The following RBMS2 variants were observed in gnomAD, a reference collection of about 807,000 sequenced individuals.
The protein encoded by RBMS2 is RNA binding motif single stranded interacting protein 2.
RBMS2 carries 38 observed loss-of-function variants against 58.4 expected under a neutral mutation model. The observed-to-expected ratio is 0.65, with a 90% CI of 0.50 to 0.85. The LOEUF (loss-of-function observed/expected upper bound fraction) is 0.85. Among genes scored for constraint, RBMS2 ranks in the 40% least tolerant of loss-of-function variants. RBMS2 has a pLI of 0.00. For missense variants in RBMS2, 367 were observed against 503.7 expected (o/e 0.73, Z 2.60); for synonymous variants, 151 against 180.7 (o/e 0.84, Z 1.32).
At chr12:56,585,877 T>C (rs1469415139) in intron 9 of RBMS2, among the ~76,000 whole-genome samples, 1 of 152,220 alleles carries the variant, frequency 6.6e-6, no homozygotes, top group Non-Finnish European at 1.5e-5. Context: ...CTTGTTATTC[T>C]ATCCTTTTAA....
chr12:56,532,519 G>A (rs1240655212), intron 1 of RBMS2, among the ~76,000 whole-genome samples: 1 of 145,900 alleles, frequency 6.9e-6, no homozygotes, highest in South Asian at 2.2e-4. Flanking sequence ...TCCAGCCTGG[G>A]CAACAAGAGC....
intron 3 of RBMS2, among the ~76,000 whole-genome samples, chr12:56,569,259 T>C (rs1330065746): frequency 6.6e-6 from 1 of 152,228 alleles, no homozygotes; most frequent in African/African-American, 2.4e-5. Context: ...CAAAACACCT[T>C]TGAGTCTACT....
intron 1 of RBMS2, among the ~76,000 whole-genome samples, chr12:56,548,509 G>A (rs1300917704): frequency 1.3e-5 from 2 of 152,136 alleles, no homozygotes; most frequent in Non-Finnish European, 2.9e-5. Flanking sequence ...GATCTCATGG[G>A]TAATTATTAT....
intron 5 of RBMS2, among the ~76,000 whole-genome samples, chr12:56,575,565 C>G (rs942982140): frequency 6.6e-6 from 1 of 151,280 alleles, no homozygotes; most frequent in Non-Finnish European, 1.5e-5. Context: ...CTACACCCCC[C>G]CTCAAAAAAA....
rs1885311923 is a variant in RBMS2 at position 56,591,635 on chromosome 12, T to C, written c.*2502T>C. On this transcript the variant is annotated 3_prime_UTR_variant, in exon 14 of 14. Coordinates refer to ENST00000262031, the MANE Select transcript of RBMS2 (RefSeq NM_002898.4). ...GAAAGAGAAAACAAATCTAGAATTC[T>C]GTTCATCTGATAGACCGGGGGAGCT... The C allele has an allele frequency of 6.6e-6, 1 of 152,158 alleles. No individual in the cohort carries two copies. The allele number at this position is 152,158 out of a possible 1,614,324, so 9.4% of individuals were successfully genotyped here. A position where few individuals can be genotyped will look rare whatever the true frequency, so the allele number is the denominator to read the frequency against.
intron 1 of RBMS2, among the ~76,000 whole-genome samples, chr12:56,530,099 G>C (rs1873428823): frequency 1.3e-5 from 2 of 152,042 alleles, no homozygotes; most frequent in Admixed American, 1.3e-4. Flanking sequence ...ATAGAGACAG[G>C]CTTTTGCTAT....
At chr12:56,528,183 G>A (rs1020518309) in intron 1 of RBMS2, among the ~76,000 whole-genome samples, 1 of 151,220 alleles carries the variant, frequency 6.6e-6, no homozygotes, top group African/African-American at 2.4e-5. Flanking sequence ...GGTAGAGGTC[G>A]AGGCTACAGT....
At chr12:56,532,187 C>G (rs1437017001) in intron 1 of RBMS2, among the ~76,000 whole-genome samples, 1 of 151,952 alleles carries the variant, frequency 6.6e-6, no homozygotes, top group Non-Finnish European at 1.5e-5. Context: ...CCGTTGTACT[C>G]CAGCCTGGGC....
At chr12:56,523,781 T>G (rs1872171040) in intron 1 of RBMS2, among the ~76,000 whole-genome samples, 1 of 152,152 alleles carries the variant, frequency 6.6e-6, no homozygotes, top group Non-Finnish European at 1.5e-5. Context: ...AAATATGAGT[T>G]TATACACATT....
At chr12:56,553,422 A>G (rs1878640258) in intron 1 of RBMS2, among the ~76,000 whole-genome samples, 1 of 151,466 alleles carries the variant, frequency 6.6e-6, no homozygotes, top group Non-Finnish European at 1.5e-5. Flanking sequence ...TCCGCCTCCC[A>G]GGTTTAAGCA....
chr12:56,588,369 G>C lies in RBMS2; in HGVS notation c.1138G>C (p.Val380Leu). Reference protein sequence around the residue: ...YTPVPSSSVSVEESSGQQNQV... With the variant: ...YTPVPSSSVSLEESSGQQNQV... ...CCCTGTGCCTTCTTCCAGTGTTTCA[G>C]TCGAGGTAAGGGTGTTATCATTTCT... The change falls in exon 12 of 14, where the codon GTC becomes CTC. Residue 380 changes from valine (V) to leucine (L), a missense_variant. Physicochemically the swap from Val to Leu is conservative, Grantham distance 32. Coordinates refer to ENST00000262031, the MANE Select transcript of RBMS2 (RefSeq NM_002898.4). 2 of 1,611,176 alleles carry C rather than the reference G, an allele frequency of 1.2e-6. No homozygotes were observed. Among genetic ancestry groups the C allele is most frequent in the Non-Finnish European group, 1.7e-6 (2 of 1,177,480 alleles).
intron 4 of RBMS2, among the ~76,000 whole-genome samples, chr12:56,571,105 GCT>G (rs2136475471): frequency 6.6e-6 from 1 of 152,274 alleles, no homozygotes; most frequent in East Asian, 1.9e-4. Flanking sequence ...CCCTGGAAGG[GCT>G]CTCCTACCTC....
At position 56,569,051 on chromosome 12, in the gene RBMS2, C is replaced by A; in HGVS notation, c.292+18C>A. The A allele has an allele frequency of 6.2e-7, 1 of 1,604,956 alleles. No homozygotes were observed. The highest frequency in any genetic ancestry group is 8.5e-7 in the Non-Finnish European group (1 of 1,171,732). On this transcript the variant is annotated intron_variant, in intron 3 of 13. Transcript: ENST00000262031. ...ATGTAAAGGTGAGAGAACAACTGTC[C>A]TTGGTGTTGGAGAGCACCAGTAAGT...
intron 1 of RBMS2, among the ~76,000 whole-genome samples, chr12:56,530,089 A>G (rs75566427): frequency 6.6e-6 from 1 of 152,116 alleles, no homozygotes; most frequent in African/African-American, 2.4e-5. Flanking sequence ...AATTTTTTTT[A>G]TAGAGACAGG....
intron 1 of RBMS2, among the ~76,000 whole-genome samples, chr12:56,529,601 A>G (rs1179276619): frequency 1.3e-5 from 2 of 151,884 alleles, no homozygotes; most frequent in African/African-American, 4.8e-5. Context: ...AACAAAACAA[A>G]TCTCTAGGGG....
At chr12:56,588,149 G>A (rs1884933743) in intron 11 of RBMS2, 145 bp from the exon 12 acceptor site, 3 of 660,624 alleles carry the variant, frequency 4.5e-6, no homozygotes, top group Non-Finnish European at 7.9e-6. Flanking sequence ...CACCTGAAGT[G>A]CTTTTAAGAT....
rs148980152 is a variant in RBMS2 at position 56,530,006 on chromosome 12, C to G, written c.66+7917C>G. ...CTTACTAAAGCCTCAAACTCCTGAG[C>G]TCAAGGGATCCTCCTGCCACAGCCT... On this transcript the variant is annotated intron_variant, in intron 1 of 13. Coordinates refer to ENST00000262031, the MANE Select transcript of RBMS2 (RefSeq NM_002898.4). 9.1e-3 allele frequency among the ~76,000 whole-genome samples: 1,386 copies of G among 152,278 alleles called. 15 individuals carry two copies. Among genetic ancestry groups the G allele is most frequent in the African/African-American group, 0.03 (1,243 of 41,568 alleles).
chr12:56,570,678 C>T (rs562540125), intron 4 of RBMS2, among the ~76,000 whole-genome samples: 4 of 152,280 alleles, frequency 2.6e-5, no homozygotes, highest in South Asian at 2.1e-4. Context: ...CCCGGCTTCA[C>T]GCCATTCTCC....
At chr12:56,578,993 T>C (rs1883530796) in intron 5 of RBMS2, among the ~76,000 whole-genome samples, 1 of 152,046 alleles carries the variant, frequency 6.6e-6, no homozygotes, top group South Asian at 2.1e-4. Context: ...CCTTCTGAAT[T>C]ATATGCCAAG....
Sources: gnomAD v4.1 joint callset for allele counts (sites outside exome capture counted in the v4.1 genomes callset) on GRCh38, gnomAD v4.1.1 for gene constraint, MANE v1.5 for transcripts, NCBI Gene and HGNC (gene_info 2026-07-23, HGNC 2026-07-21) for gene names.